SPTLC2: variants seen among roughly 807,000 people sequenced by gnomAD.
SPTLC2 encodes the protein serine palmitoyltransferase 2.
SPTLC2 carries 21 observed loss-of-function variants against 62.0 expected under a neutral mutation model. The observed-to-expected ratio is 0.34, with a 90% CI of 0.24 to 0.49. The LOEUF (loss-of-function observed/expected upper bound fraction) is 0.49, where lower values mean the gene tolerates loss of function less well. SPTLC2 is among the 20% of genes least tolerant of loss of function. The probability of loss-of-function intolerance (pLI) is 0.99; values close to 1 mark genes in which losing one functional copy is unlikely to be tolerated. For missense variants in SPTLC2, 511 were observed against 713.0 expected, an observed-to-expected ratio of 0.72 and a Z score of 3.23; for synonymous variants, 261 against 261.8, an observed-to-expected ratio of 1.00 and a Z score of 0.03.
At chr14:77,530,586 A>G (rs1409794475) in intron 9 of SPTLC2, among the ~76,000 whole-genome samples, 5 of 152,138 alleles carry the variant, frequency 3.3e-5, no homozygotes, top group Non-Finnish European at 7.4e-5. Flanking sequence ...GGCCTAAACC[A>G]CAAGATCTTT....
intron 11 of SPTLC2, among the ~76,000 whole-genome samples, chr14:77,515,508 A>G (rs992917045): frequency 1.3e-5 from 2 of 151,796 alleles, no homozygotes; most frequent in Admixed American, 6.6e-5. Flanking sequence ...AATACAGTGT[A>G]CAAGTGTAAA....
At position 77,508,120 on chromosome 14, in the gene SPTLC2, C is replaced by T. The variant is rs999933111; in HGVS notation, c.*4164G>A. On this transcript the variant is annotated 3_prime_UTR_variant, in exon 12 of 12. Coordinates refer to ENST00000216484, the MANE Select transcript of SPTLC2 (RefSeq NM_004863.4). ...CATGGCTCACTGCAGCCTTGACCTC[C>T]CAGGCTCAAGTGATTCTCCCACACA... The T allele has an allele frequency of 3.3e-5, 5 of 152,210 alleles. No homozygotes were observed. The highest frequency in any genetic ancestry group is 1.2e-4 in the African/African-American group (5 of 41,430). 9.4% of individuals were successfully genotyped at this position (152,210 alleles called of 1,614,324 possible).
rs538637410 is a variant in SPTLC2, at chr14:77,596,951, G to A, written c.327+235C>T. Among the ~76,000 whole-genome samples the A allele has an allele frequency of 4.6e-5, 7 of 152,206 alleles. No individual in the cohort carries two copies. In the South Asian group the frequency reaches 1.5e-3, roughly 32 times the overall value. The stretch of plus-strand genomic sequence containing the variant: ...TTTTGATTTCTAATCCATAAAACAG[G>A]GATAGTGCCGCCCACCTCCTTAGGT... On this transcript the variant is annotated intron_variant, in intron 2 of 11. Coordinates refer to ENST00000216484, the MANE Select transcript of SPTLC2 (RefSeq NM_004863.4).
chr14:77,512,119 A>T lies in SPTLC2; in HGVS notation c.*165T>A. 1.1e-6 allele frequency: 1 copy of T among 877,450 alleles called. No homozygotes were observed. Among genetic ancestry groups the T allele is most frequent in the Non-Finnish European group, 1.8e-6 (1 of 567,014 alleles). 54.4% of individuals were successfully genotyped at this position (877,450 alleles called of 1,614,324 possible). A position where few individuals can be genotyped will look rare whatever the true frequency, so the allele number is the denominator to read the frequency against. On this transcript the variant is annotated 3_prime_UTR_variant, in exon 12 of 12. Transcript: ENST00000216484. Reference sequence around the variant, plus strand: ...AAGGAAGGATTAGAAGCAGTTTTTTACTATTTACAAAATGTCATTTAGAGT... The same window carrying T: ...AAGGAAGGATTAGAAGCAGTTTTTTTCTATTTACAAAATGTCATTTAGAGT...
At position 77,529,291 on chromosome 14, in the gene SPTLC2, T is replaced by G. The variant is rs139326564; in HGVS notation, c.1304-7710A>C. Among the ~76,000 whole-genome samples the G allele has an allele frequency of 1.5e-3, 228 of 150,572 alleles. 7 individuals are homozygous for G. The East Asian group carries it at 0.039, about 26-fold the overall frequency. On this transcript the variant is annotated intron_variant, in intron 9 of 11. Transcript: ENST00000216484. The stretch of plus-strand genomic sequence containing the variant: ...TTTTTTTTTTAACAAATATGCCTTT[T>G]CTAGGACAGTTTAAACCAGGACATG...
chr14:77,545,705 T>TC (rs2079524907), intron 9 of SPTLC2, among the ~76,000 whole-genome samples: 1 of 151,980 alleles, frequency 6.6e-6, no homozygotes, highest in Non-Finnish European at 1.5e-5. Context: ...GACATAATTC[T>TC]GGGGGGAGAA....
intron 9 of SPTLC2, chr14:77,536,142 C>T (rs1289390557): frequency 2.9e-6 from 1 of 344,118 alleles, no homozygotes. Context: ...TAGGTCAAGA[C>T]TACTGCTTCC....
At chr14:77,553,231 G>A (rs560139387) in intron 8 of SPTLC2, among the ~76,000 whole-genome samples, 1 of 152,116 alleles carries the variant, frequency 6.6e-6, no homozygotes, top group African/African-American at 2.4e-5. Flanking sequence ...AAATTAGGGG[G>A]ACACAAATGT....
chr14:77,517,115 G>T (rs371694002), intron 11 of SPTLC2, among the ~76,000 whole-genome samples: 15 of 152,056 alleles, frequency 9.9e-5, no homozygotes, highest in East Asian at 5.8e-4. Flanking sequence ...GCATGGTGGC[G>T]CATGCCTGTA....
At chr14:77,571,441 A>C (rs2079682091) in intron 4 of SPTLC2, among the ~76,000 whole-genome samples, 1 of 150,432 alleles carries the variant, frequency 6.6e-6, no homozygotes, top group South Asian at 2.1e-4. Flanking sequence ...CCTGGGAGGC[A>C]GAGGTTGCAG....
intron 5 of SPTLC2, among the ~76,000 whole-genome samples, chr14:77,566,542 T>G (rs1350557474): frequency 6.6e-6 from 1 of 152,214 alleles, no homozygotes. Context: ...CTCGGCTCAC[T>G]GCAAGCTCCG....
chr14:77,588,489 A>G (rs1384513939), intron 2 of SPTLC2, among the ~76,000 whole-genome samples: 4 of 151,622 alleles, frequency 2.6e-5, no homozygotes, highest in African/African-American at 7.3e-5. Context: ...TCAGGAGTTC[A>G]AGATCAACCT....
Position 77,531,469 on chromosome 14 carries a change from TCCTCCC to T in SPTLC2, c.1304-9894_1304-9889del, listed in dbSNP as rs1214656301. On this transcript the variant is annotated intron_variant, in intron 9 of 11. Coordinates refer to ENST00000216484, the MANE Select transcript of SPTLC2 (RefSeq NM_004863.4). ...CTCCTCCTTCTCCTCCTCCTCCTCC[TCCTCCC>T]CCTCCCCCTCCTCCTCCTCCTCCTC... is the stretch of plus-strand genomic sequence containing the variant. Among the ~76,000 whole-genome samples, 746 of 105,754 alleles carry T rather than the reference TCCTCCC, an allele frequency of 7.1e-3. 8 individuals are homozygous for T. Among genetic ancestry groups the T allele is most frequent in the Non-Finnish European group, 0.01 (551 of 52,884 alleles). 69.4% of individuals were successfully genotyped at this position (105,754 alleles called of 152,430 possible). A position where few individuals can be genotyped will look rare whatever the true frequency, so the allele number is the denominator to read the frequency against.
intron 1 of SPTLC2, among the ~76,000 whole-genome samples, chr14:77,604,089 A>ATAC (rs1194453014): frequency 6.6e-5 from 10 of 151,438 alleles, no homozygotes; most frequent in Non-Finnish European, 2.9e-5. Context: ...TTCTCTGGGA[A>ATAC]TACTCCCTGA....
At chr14:77,518,927 G>C (rs1203923852) in intron 10 of SPTLC2, among the ~76,000 whole-genome samples, 1 of 152,188 alleles carries the variant, frequency 6.6e-6, no homozygotes, top group Non-Finnish European at 1.5e-5. Context: ...CACACAATTC[G>C]TATTTAACAA....
chr14:77,562,299 T>C, intron 6 of SPTLC2, 97 bp downstream of exon 6: 1 of 1,077,356 alleles, frequency 9.3e-7, no homozygotes, highest in Non-Finnish European at 1.4e-6. Flanking sequence ...TGTCTTCATT[T>C]ATACTTTCAA....
chr14:77,511,789 T>G lies in SPTLC2; in HGVS notation c.*495A>C. The G allele has an allele frequency of 5.3e-6, 1 of 189,352 alleles. No individual in the cohort carries two copies. The highest frequency in any genetic ancestry group is 1.1e-5 in the Non-Finnish European group (1 of 89,400). 11.7% of individuals were successfully genotyped at this position (189,352 alleles called of 1,614,324 possible). A position where few individuals can be genotyped will look rare whatever the true frequency, so the allele number is the denominator to read the frequency against. On this transcript the variant is annotated 3_prime_UTR_variant, in exon 12 of 12. Coordinates refer to ENST00000216484, the MANE Select transcript of SPTLC2 (RefSeq NM_004863.4). The stretch of plus-strand genomic sequence containing the variant: ...AACTTCCGTTGATTACTTGAATGGT[T>G]AAATAAGGATTCCAAGGTTGGCCTT...
At chr14:77,611,791 A>G (rs1595022284) in intron 1 of SPTLC2, among the ~76,000 whole-genome samples, 1 of 151,076 alleles carries the variant, frequency 6.6e-6, no homozygotes, top group South Asian at 2.1e-4. Flanking sequence ...GCGCCACTGC[A>G]CTCCAGCCTG....
intron 9 of SPTLC2, among the ~76,000 whole-genome samples, chr14:77,540,600 G>A (rs939851347): frequency 3.3e-5 from 5 of 151,782 alleles, no homozygotes; most frequent in African/African-American, 1.2e-4. Context: ...TCAGCCTCCC[G>A]AGTAGCTGGG....
Sources: gnomAD v4.1 joint callset for allele counts (sites outside exome capture counted in the v4.1 genomes callset) on GRCh38, gnomAD v4.1.1 for gene constraint, MANE v1.5 for transcripts, NCBI Gene and HGNC (gene_info 2026-07-23, HGNC 2026-07-21) for gene names.